Variants in FGGY observed in about 807,000 individuals in gnomAD.
The protein encoded by FGGY is FGGY carbohydrate kinase domain containing.
FGGY carries 72 observed loss-of-function variants against 71.3 expected under a neutral mutation model. The ratio of observed to expected loss-of-function variants is 1.01; its 90% CI spans 0.84 to 1.23. The LOEUF is 1.23. FGGY is among the 50% of genes most tolerant of loss of function. The pLI is 0.00. For missense variants in FGGY, 668 were observed against 682.3 expected, an observed-to-expected ratio of 0.98 and a Z score of 0.23; for synonymous variants, 251 against 250.3, an observed-to-expected ratio of 1.00 and a Z score of -0.02.
chr1:59,492,588 T>C (rs2093901200), intron 6 of FGGY, among the ~76,000 whole-genome samples: 1 of 152,138 alleles, frequency 6.6e-6, no homozygotes, highest in Non-Finnish European at 1.5e-5. Context: ...CTCCAGTAGA[T>C]ATTATGAAAA....
At chr1:59,722,952 A>G (rs1361448848) in intron 14 of FGGY, among the ~76,000 whole-genome samples, 1 of 152,134 alleles carries the variant, frequency 6.6e-6, no homozygotes, top group Non-Finnish European at 1.5e-5. Flanking sequence ...ACCCGCCACC[A>G]TGCCCGGCTA....
At chr1:59,630,248 C>T (rs1384848974) in intron 10 of FGGY, among the ~76,000 whole-genome samples, 2 of 152,140 alleles carry the variant, frequency 1.3e-5, no homozygotes, top group Admixed American at 6.5e-5. Flanking sequence ...ATTATGGGAA[C>T]TAAAATTCAA....
At chr1:59,396,732 G>T (rs974384456) in intron 5 of FGGY, among the ~76,000 whole-genome samples, 1 of 152,178 alleles carries the variant, frequency 6.6e-6, no homozygotes, top group Non-Finnish European at 1.5e-5. Flanking sequence ...CTGAGCAACA[G>T]TTCCCTCATC....
intron 9 of FGGY, among the ~76,000 whole-genome samples, chr1:59,612,683 T>C (rs1223020533): frequency 1.3e-5 from 2 of 152,174 alleles, no homozygotes; most frequent in Non-Finnish European, 2.9e-5. Context: ...AATGCTCCAA[T>C]TGAAAGACAC....
rs145324173 is a variant in FGGY at position 59,667,310 on chromosome 1, A to G, written c.1324A>G (p.Met442Val). 1.2e-6 allele frequency: 2 copies of G among 1,614,180 alleles called. No homozygotes were observed. Among genetic ancestry groups the G allele is most frequent in the Non-Finnish European group, 1.7e-6 (2 of 1,180,018 alleles). The part of the protein sequence containing the change: ...ALGTRFIIEA[M>V]EAAGHSISTL... ...GGGGACTCGCTTCATTATAGAAGCC[A>G]TGGAGGCAGCAGGGCACTCAATCAG... The change falls in exon 13 of 16, where the codon ATG (methionine) becomes GTG (valine). Residue 442 changes from methionine to valine, a missense_variant. Transcript: ENST00000303721.
intron 9 of FGGY, among the ~76,000 whole-genome samples, chr1:59,611,365 G>A (rs1015597413): frequency 6.6e-6 from 1 of 152,130 alleles, no homozygotes; most frequent in Admixed American, 6.5e-5. Flanking sequence ...TTGCTGTTCT[G>A]CAGCCTCCAC....
chr1:59,608,018 G>T, intron 9 of FGGY, 108 bp downstream of exon 9: 1 of 801,554 alleles, frequency 1.2e-6, no homozygotes. Flanking sequence ...GCAGACCCCT[G>T]AATCGGGGTG....
At chr1:59,438,837 C>T (rs571188954) in intron 5 of FGGY, among the ~76,000 whole-genome samples, 2 of 152,274 alleles carry the variant, frequency 1.3e-5, no homozygotes, top group East Asian at 3.9e-4. Flanking sequence ...GGGTTACTTC[C>T]ATGACCTAAA....
At position 59,718,575 on chromosome 1, in the gene FGGY, T is replaced by C. The variant is rs1330790118; in HGVS notation, c.1513-39356T>C. On this transcript the variant is annotated intron_variant, in intron 14 of 15. Coordinates refer to ENST00000303721, the MANE Select transcript of FGGY (RefSeq NM_018291.5). ...AGGCTCTCCACTACCACCAGTGGCA[T>C]AGCAGGCACACCCATGCATTAGCGA... 2.0e-5 allele frequency among the ~76,000 whole-genome samples: 3 copies of C among 152,202 alleles called. No homozygotes were observed. In the East Asian group the frequency reaches 5.8e-4, roughly 29 times the overall value.
At chr1:59,715,098 C>T (rs915932184) in intron 14 of FGGY, among the ~76,000 whole-genome samples, 15 of 152,140 alleles carry the variant, frequency 9.9e-5, no homozygotes, top group Non-Finnish European at 1.5e-5. Flanking sequence ...TTGTCCCTCC[C>T]AGAAATGCAT....
chr1:59,476,236 C>A (rs1468214985), intron 6 of FGGY, among the ~76,000 whole-genome samples: 5 of 152,210 alleles, frequency 3.3e-5, no homozygotes, highest in African/African-American at 1.2e-4. Flanking sequence ...TTCTGTTTCC[C>A]TGTTGTATTT....
At chr1:59,385,169 C>T (rs929781608) in intron 5 of FGGY, among the ~76,000 whole-genome samples, 3 of 152,118 alleles carry the variant, frequency 2.0e-5, no homozygotes, top group Non-Finnish European at 4.4e-5. Flanking sequence ...CCATTTTCCT[C>T]TCCTCTCTTT....
At chr1:59,402,347 T>C (rs1398470242) in intron 5 of FGGY, among the ~76,000 whole-genome samples, 1 of 152,200 alleles carries the variant, frequency 6.6e-6, no homozygotes, top group Non-Finnish European at 1.5e-5. Context: ...CTTTCCCTAA[T>C]GCATCTTCAT....
chr1:59,492,699 C>T (rs2093905643), intron 6 of FGGY, among the ~76,000 whole-genome samples: 1 of 151,920 alleles, frequency 6.6e-6, no homozygotes, highest in Non-Finnish European at 1.5e-5. Context: ...GGTAATAAAC[C>T]TCGAGTCTTT....
intron 14 of FGGY, among the ~76,000 whole-genome samples, chr1:59,690,344 T>C (rs1391953926): frequency 6.6e-6 from 1 of 152,130 alleles, no homozygotes. Flanking sequence ...TAGTTGTACT[T>C]TGCACACAAG....
intron 7 of FGGY, 61 bp downstream of exon 7, chr1:59,512,500 C>T (rs1402900930): frequency 5.9e-6 from 9 of 1,522,618 alleles, no homozygotes; most frequent in East Asian, 4.7e-5. Flanking sequence ...TCCCTAGAAC[C>T]GAAGACACTC....
At chr1:59,761,390 T>C (rs368263616) in intron 15 of FGGY, among the ~76,000 whole-genome samples, 1 of 152,308 alleles carries the variant, frequency 6.6e-6, no homozygotes, top group East Asian at 1.9e-4. Flanking sequence ...CCAAGGTTAC[T>C]CTTACAACCT....
At chr1:59,698,418 G>A (rs757768716) in intron 14 of FGGY, among the ~76,000 whole-genome samples, 29 of 150,892 alleles carry the variant, frequency 1.9e-4, no homozygotes, top group Non-Finnish European at 4.3e-4. Context: ...AAAAACTACA[G>A]ATGCTTCTTC....
At chr1:59,392,910 G>A (rs11583924) in intron 5 of FGGY, among the ~76,000 whole-genome samples, 26,490 of 152,046 alleles carry the variant, frequency 0.17, 2,840 homozygotes, top group East Asian at 0.36. Flanking sequence ...TTGTTAAAAT[G>A]TGCCAAAAAC....
Sources: gnomAD v4.1 joint callset for allele counts (sites outside exome capture counted in the v4.1 genomes callset) on GRCh38, gnomAD v4.1.1 for gene constraint, MANE v1.5 for transcripts, NCBI Gene and HGNC (gene_info 2026-07-23, HGNC 2026-07-21) for gene names.